The following EPS15L1 variants were observed in gnomAD, a reference collection of about 807,000 sequenced individuals.
EPS15L1 encodes epidermal growth factor receptor pathway substrate 15 like 1.
Under a neutral mutation model 117.1 loss-of-function variants are expected in EPS15L1, and 43 were observed. That is an observed-to-expected ratio of 0.37 (90% CI 0.29 to 0.47). The LOEUF is 0.47. EPS15L1 is among the 20% of genes least tolerant of loss of function. EPS15L1 has a pLI of 0.99. For synonymous variants in EPS15L1, 459 were observed against 470.5 expected, an observed-to-expected ratio of 0.98 and a Z score of 0.32; for missense variants, 981 against 1,164.0, an observed-to-expected ratio of 0.84 and a Z score of 2.29.
chr19:16,417,967 T>C lies in EPS15L1; in HGVS notation c.1088A>G (p.Glu363Gly), dbSNP rs1162594969. ...ACTCACCGGGCCGGGCGTGCCTCTC[T>C]CCGAAGGCGGGACCATGTCCGGCGA... is the stretch of plus-strand genomic sequence containing the variant. ...VLSPDMVPPS[E>G]RGTPGPDSSG... The change falls in exon 11 of 24, where the codon GAG becomes GGG. Residue 363 changes from glutamate (E) to glycine (G), a missense_variant. Glu to Gly is a moderately conservative substitution (Grantham distance 98, BLOSUM62 -2). Around this residue, in one of 5 missense-constraint regions of EPS15L1, gnomAD observed 819 missense variants for 949.0 expected, o/e 0.86. Coordinates refer to ENST00000455140, the MANE Select transcript of EPS15L1 (RefSeq NM_001258374.3). 5.0e-6 allele frequency: 8 copies of C among 1,613,826 alleles called. No homozygotes were observed. Among genetic ancestry groups the C allele is most frequent in the African/African-American group, 1.3e-5 (1 of 75,056 alleles).
intron 1 of EPS15L1, among the ~76,000 whole-genome samples, chr19:16,450,047 G>A (rs914243804): frequency 8.0e-5 from 12 of 150,750 alleles, no homozygotes; most frequent in South Asian, 4.2e-4. Flanking sequence ...CAGGAGGGAC[G>A]TGTTCTGTAC....
chr19:16,438,876 A>AT (rs1555763892), intron 4 of EPS15L1, among the ~76,000 whole-genome samples: 1 of 151,942 alleles, frequency 6.6e-6, no homozygotes, highest in African/African-American at 2.4e-5. Context: ...TCAGAAACTC[A>AT]TATCTGTGGT....
intron 4 of EPS15L1, chr19:16,440,653 TA>T (rs2093022141): frequency 2.6e-6 from 1 of 385,766 alleles, no homozygotes; most frequent in Non-Finnish European, 4.6e-6. Context: ...AATAAATAAA[TA>T]AATAAAAGAT....
intron 23 of EPS15L1, chr19:16,357,305 T>G (rs372687715): frequency 6.6e-6 from 1 of 152,126 alleles, no homozygotes; most frequent in Non-Finnish European, 1.5e-5. Flanking sequence ...AGCAGGATAC[T>G]AGGTGAAACT....
intron 20 of EPS15L1, among the ~76,000 whole-genome samples, 159 bp from the exon 21 acceptor site, chr19:16,385,370 C>T (rs1449818599): frequency 6.6e-6 from 1 of 152,154 alleles, no homozygotes; most frequent in East Asian, 1.9e-4. Flanking sequence ...CTCAGCAAGG[C>T]CCCCCTGCCC....
At chr19:16,462,931 T>C (rs937574696) in intron 1 of EPS15L1, among the ~76,000 whole-genome samples, 2 of 151,948 alleles carry the variant, frequency 1.3e-5, no homozygotes, top group African/African-American at 4.8e-5. Flanking sequence ...CCAGTGGAGG[T>C]GATTCATCCC....
intron 22 of EPS15L1, among the ~76,000 whole-genome samples, chr19:16,366,223 G>A (rs530271221): frequency 1.3e-5 from 2 of 152,106 alleles, no homozygotes; most frequent in Admixed American, 1.3e-4. Context: ...TTCCTGCAGG[G>A]AGTGATCACC....
Position 16,378,509 on chromosome 19 carries a change from G to C in EPS15L1, c.2248-1255C>G, listed in dbSNP as rs112124861. On this transcript the variant is annotated intron_variant, in intron 21 of 23. Coordinates refer to ENST00000455140, the MANE Select transcript of EPS15L1 (RefSeq NM_001258374.3). The stretch of plus-strand genomic sequence containing the variant: ...TGCCGTCCCCCAGAGCTCTCCCAGG[G>C]CTCTCCCTGGGGCTGCTTCCTGCCA... Among the ~76,000 whole-genome samples the C allele has an allele frequency of 7.7e-3, 1,170 of 152,198 alleles. 16 individuals are homozygous for C. The highest frequency in any genetic ancestry group is 8.9e-3 in the South Asian group (43 of 4,814).
At chr19:16,445,365 C>G (rs1478819026) in intron 1 of EPS15L1, among the ~76,000 whole-genome samples, 1 of 152,212 alleles carries the variant, frequency 6.6e-6, no homozygotes, top group African/African-American at 2.4e-5. Flanking sequence ...TGCTCATCAC[C>G]ACGGGAGTCC....
chr19:16,393,817 TG>T, intron 18 of EPS15L1, 133 bp downstream of exon 18: 1 of 904,082 alleles, frequency 1.1e-6, no homozygotes, highest in Admixed American at 1.9e-5. Context: ...GGGTACAACA[TG>T]GATGGACGGC....
chr19:16,432,554 C>T (rs1233704037), intron 7 of EPS15L1, among the ~76,000 whole-genome samples: 5 of 151,594 alleles, frequency 3.3e-5, no homozygotes, highest in African/African-American at 4.8e-5. Context: ...GGCAACAGAG[C>T]GAGACTCTGT....
At chr19:16,470,403 G>T (rs2093338201) in intron 1 of EPS15L1, among the ~76,000 whole-genome samples, 1 of 151,886 alleles carries the variant, frequency 6.6e-6, no homozygotes, top group Non-Finnish European at 1.5e-5. Context: ...AAAAAAATTG[G>T]ACAGGAAGTT....
At position 16,471,380 on chromosome 19, in the gene EPS15L1, C is replaced by T. The variant is rs1382612527; in HGVS notation, c.33+533G>A. 6.6e-6 allele frequency among the ~76,000 whole-genome samples: 1 copy of T among 152,226 alleles called. No individual in the cohort carries two copies. The highest frequency in any genetic ancestry group is 2.4e-5 in the African/African-American group (1 of 41,476). On this transcript the variant is annotated intron_variant, in intron 1 of 23. Transcript: ENST00000455140. The surrounding 1 kb of genome is among the most constrained non-coding windows in gnomAD (Gnocchi z 4.8). The stretch of plus-strand genomic sequence containing the variant: ...TAAGCGCATCAGGCGAATTTGAGGA[C>T]ACAGAGAGGCGCCCGGAGACGTACG...
intron 15 of EPS15L1, 115 bp from the exon 16 acceptor site, chr19:16,402,600 G>T: frequency 9.8e-7 from 1 of 1,015,430 alleles, no homozygotes; most frequent in Non-Finnish European, 1.4e-6. Context: ...GGAATGTAGT[G>T]GAGTGATCAT....
chr19:16,430,520 T>C (rs1041547311), intron 7 of EPS15L1, among the ~76,000 whole-genome samples: 1 of 152,180 alleles, frequency 6.6e-6, no homozygotes, highest in African/African-American at 2.4e-5. Flanking sequence ...CTGCAAGTGC[T>C]GGATGTGTGT....
Position 16,436,938 on chromosome 19 carries a change from C to G in EPS15L1, c.371G>C (p.Arg124Thr), listed in dbSNP as rs766671184. The G allele has an allele frequency of 1.2e-6, 2 of 1,613,146 alleles. No homozygotes were observed. Among genetic ancestry groups the G allele is most frequent in the Non-Finnish European group, 1.7e-6 (2 of 1,179,158 alleles). ...AGGGAGCTATTCCCGTTCACTTACC[C>G]TCACAGCCCAGTGGGCCTCTGCAGA... ...PPSAEAHWAV[R>T]VEEKAKFDGI... is the part of the protein sequence containing the mutation. Residue 124 changes from arginine (R) to threonine (T), a missense_variant and splice_region_variant, in exon 6 of 24, where the codon AGG becomes ACG. Transcript: ENST00000455140.
chr19:16,371,482 G>A lies in EPS15L1; in HGVS notation c.2380+5640C>T, dbSNP rs1000111117. ...GTTAGTGCAACTGTGGGGAGGGGGC[G>A]AAAAGACATGCTCATCACCATCACC... is the stretch of plus-strand genomic sequence containing the variant. On this transcript the variant is annotated intron_variant, in intron 22 of 23. Transcript: ENST00000455140. The surrounding 1 kb of genome is among the most constrained non-coding windows in gnomAD (Gnocchi z 4.7). 6.6e-6 allele frequency among the ~76,000 whole-genome samples: 1 copy of A among 152,202 alleles called. No homozygotes were observed. Among genetic ancestry groups the A allele is most frequent in the Non-Finnish European group, 1.5e-5 (1 of 68,028 alleles).
At chr19:16,386,788 G>A (rs2144748463) in intron 19 of EPS15L1, among the ~76,000 whole-genome samples, 1 of 152,360 alleles carries the variant, frequency 6.6e-6, no homozygotes, top group South Asian at 2.1e-4. Flanking sequence ...GCAGCCTGTA[G>A]CTGAGGCCAC....
chr19:16,429,645 C>T (rs749246176), intron 7 of EPS15L1, among the ~76,000 whole-genome samples: 1 of 152,184 alleles, frequency 6.6e-6, no homozygotes, highest in Non-Finnish European at 1.5e-5. Flanking sequence ...GGAACTGCTC[C>T]AGAACACACA....
Sources: gnomAD v4.1 joint callset for allele counts (sites outside exome capture counted in the v4.1 genomes callset) on GRCh38, gnomAD v4.1.1 for gene constraint, gnomAD v4.1.1 regional missense constraint, Gnocchi (gnomAD v3.1) non-coding constraint, MANE v1.5 for transcripts, NCBI Gene and HGNC (gene_info 2026-07-23, HGNC 2026-07-21) for gene names.